Variants in NSMCE4A observed in about 807,000 individuals in gnomAD.
NSMCE4A encodes the protein NSE4A component of SMC5/6 complex, also known as non-structural maintenance of chromosomes element 4 homolog A.
Under a neutral mutation model 47.9 loss-of-function variants are expected in NSMCE4A, and 40 were observed. The ratio of observed to expected loss-of-function variants is 0.83; its 90% CI spans 0.65 to 1.09. The LOEUF is 1.09. NSMCE4A is among the 50% of genes least tolerant of loss of function. NSMCE4A has a pLI of 0.00. For missense variants in NSMCE4A, 500 were observed against 507.0 expected (o/e 0.99, Z 0.13); for synonymous variants, 166 against 178.5 (o/e 0.93, Z 0.56).
At position 121,967,822 on chromosome 10, in the gene NSMCE4A, A is replaced by G; in HGVS notation, c.502-16T>C. 2 of 1,597,182 alleles carry G rather than the reference A, an allele frequency of 1.3e-6. No homozygotes were observed. The highest frequency in any genetic ancestry group is 1.7e-6 in the Non-Finnish European group (2 of 1,175,178). On this transcript the variant is annotated splice_polypyrimidine_tract_variant and intron_variant, in intron 3 of 10. Transcript: ENST00000369023. Reference sequence around the variant, plus strand: ...TATGTGTGAGCTACAAAAATGAAGGAAAACAAAAAACCCAGTTAAGCCACA... The same window carrying G: ...TATGTGTGAGCTACAAAAATGAAGGGAAACAAAAAACCCAGTTAAGCCACA...
In NSMCE4A at chr10:121,975,097, GC is replaced by G; in HGVS notation, c.68del (p.Arg23ProfsTer45). ...RGRGRDPHRD[R>X]TRSRSRSRSP... ...ACCGCGAGCGGGAGCGGGAGCGGGT[GC>G]GATCCCGATGCGGGTCGCGGCCCCG... On this transcript the variant is annotated frameshift_variant, in exon 1 of 11. Transcript: ENST00000369023. LOFTEE classifies it high-confidence loss of function. 6.9e-7 allele frequency: 1 copy of G among 1,439,918 alleles called. No individual in the cohort carries two copies. Among genetic ancestry groups the G allele is most frequent in the Non-Finnish European group, 9.0e-7 (1 of 1,107,532 alleles). 89.2% of individuals were successfully genotyped at this position (1,439,918 alleles called of 1,614,324 possible).
At chr10:121,967,936 G>T in intron 3 of NSMCE4A, 130 bp from the exon 4 acceptor site, 1 of 850,530 alleles carries the variant, frequency 1.2e-6, no homozygotes, top group Non-Finnish European at 1.8e-6. Flanking sequence ...TAACATGCTG[G>T]CTAAATTTCT....
rs973425860 is a variant in NSMCE4A at position 121,974,019 on chromosome 10, T to G, written c.355A>C (p.Thr119Pro). Reference sequence around the variant, plus strand: ...AACAAATTACCTTCATTAAACAGAGTGTTAGCCTCTTCAAGGACCTCTGTT... The same window carrying G: ...AACAAATTACCTTCATTAAACAGAGGGTTAGCCTCTTCAAGGACCTCTGTT... The part of the protein sequence containing the change: ...KLTEVLEEAN[T>P]LFNEVSRARE... The change falls in exon 2 of 11, where the codon ACT becomes CCT. Residue 119 changes from threonine to proline, a missense_variant. Thr to Pro is a conservative substitution (Grantham distance 38). Transcript: ENST00000369023. 4 of 1,598,014 alleles carry G rather than the reference T, an allele frequency of 2.5e-6. No individual in the cohort carries two copies. The highest frequency in any genetic ancestry group is 3.4e-6 in the Non-Finnish European group (4 of 1,169,116).
At chr10:121,966,153 C>T (rs575460631) in intron 4 of NSMCE4A, 10 of 152,278 alleles carry the variant, frequency 6.6e-5, no homozygotes, top group African/African-American at 1.9e-4. Context: ...GAGTACTGCT[C>T]AAGTGCTATG....
At chr10:121,974,655 C>G in intron 1 of NSMCE4A, 1 of 1,087,840 alleles carries the variant, frequency 9.2e-7, no homozygotes, top group Non-Finnish European at 1.1e-6. Context: ...CAGCCCGCCA[C>G]TCGGGGACCC....
intron 1 of NSMCE4A, 133 bp from the exon 2 acceptor site, chr10:121,974,214 T>C (rs1952772139): frequency 1.4e-6 from 2 of 1,390,266 alleles, no homozygotes; most frequent in Non-Finnish European, 9.6e-7. Context: ...AACATCTTTA[T>C]CTTTTTAACC....
At chr10:121,957,438 T>C (rs1377167726) in intron 10 of NSMCE4A, among the ~76,000 whole-genome samples, 179 bp from the exon 11 acceptor site, 2 of 120,140 alleles carry the variant, frequency 1.7e-5, no homozygotes, top group African/African-American at 5.8e-5. Context: ...TCTTTTTTTT[T>C]TTTTTTTTTT....
intron 3 of NSMCE4A, among the ~76,000 whole-genome samples, chr10:121,969,085 C>T (rs765064201): frequency 1.3e-5 from 2 of 152,254 alleles, no homozygotes; most frequent in African/African-American, 2.4e-5. Context: ...TGGCTCATGC[C>T]TGTAATCCCA....
chr10:121,963,247 G>A lies in NSMCE4A; in HGVS notation c.835C>T (p.Arg279Ter). The A allele has an allele frequency of 6.2e-7, 1 of 1,604,362 alleles. No individual in the cohort carries two copies. Among genetic ancestry groups the A allele is most frequent in the Non-Finnish European group, 8.5e-7 (1 of 1,171,600 alleles). Residue 279 changes from arginine to a stop codon, truncating the protein, a stop_gained, in exon 6 of 11, where the codon CGA (arginine) becomes TGA (stop). Coordinates refer to ENST00000369023, the MANE Select transcript of NSMCE4A (RefSeq NM_017615.3). LOFTEE classifies it high-confidence loss of function. ...RILGLLQTYF[R>*]EDPDTPMSFF... is the part of the protein sequence containing the mutation. ...ATGGTGTTACACTTACGATCTTCTC[G>A]AAAATATGTCTGCAACAATCCCAAG...
chr10:121,973,984 CAT>C lies in NSMCE4A; in HGVS notation c.370+18_370+19del, dbSNP rs547732994. 5,111 of 1,510,856 alleles carry C rather than the reference CAT, an allele frequency of 3.4e-3. 34 individuals carry two copies. Among genetic ancestry groups the C allele is most frequent in the Non-Finnish European group, 3.2e-3 (3,556 of 1,102,548 alleles). The allele number at this position is 1,510,856 out of a possible 1,614,324, so 93.6% of individuals were successfully genotyped here. On this transcript the variant is annotated intron_variant, in intron 2 of 10. Coordinates refer to ENST00000369023, the MANE Select transcript of NSMCE4A (RefSeq NM_017615.3). Reference sequence around the variant, plus strand: ...AAAAGTATCATAAAACACGAAATAACATATAAAATAACAAATTACCTTCATTA... The same window carrying C: ...AAAAGTATCATAAAACACGAAATAACATAAAATAACAAATTACCTTCATTA...
chr10:121,974,535 G>A (rs897315380), intron 1 of NSMCE4A: 8 of 1,010,672 alleles, frequency 7.9e-6, no homozygotes, highest in South Asian at 4.6e-5. Context: ...GGGAGCCCAC[G>A]CCGAGGACTG....
At chr10:121,958,141 T>C (rs949116063) in intron 10 of NSMCE4A, among the ~76,000 whole-genome samples, 1 of 151,994 alleles carries the variant, frequency 6.6e-6, no homozygotes, top group African/African-American at 2.4e-5. Flanking sequence ...AGCAGGAGAA[T>C]TGCTTGAACC....
rs114195339 is a variant in NSMCE4A at position 121,974,707 on chromosome 10, T to C, written c.292+167A>G. 3.6e-3 allele frequency: 4,098 copies of C among 1,123,418 alleles called. 122 individuals are homozygous for C. The African/African-American group carries it at 0.063, about 17-fold the overall frequency. The allele number at this position is 1,123,418 out of a possible 1,614,324, so 69.6% of individuals were successfully genotyped here. A position where few individuals can be genotyped will look rare whatever the true frequency, so the allele number is the denominator to read the frequency against. On this transcript the variant is annotated intron_variant, in intron 1 of 10. Transcript: ENST00000369023. ...GCTCCAGCCACAAAGTGGGAGCACT[T>C]TGTCAACAATTTAAGGTGCGGCGAG...
At chr10:121,957,325 C>T (rs1449786592) in intron 10 of NSMCE4A, 66 bp from the exon 11 acceptor site, 1 of 152,282 alleles carries the variant, frequency 6.6e-6, no homozygotes, top group Non-Finnish European at 1.5e-5. Flanking sequence ...ATATAATATA[C>T]ATAAATTAAA....
In NSMCE4A at chr10:121,960,345, T is replaced by G; in HGVS notation, c.988+13A>C. 6.8e-7 allele frequency: 1 copy of G among 1,469,458 alleles called. No homozygotes were observed. Among genetic ancestry groups the G allele is most frequent in the Non-Finnish European group, 9.0e-7 (1 of 1,113,220 alleles). The allele number at this position is 1,469,458 out of a possible 1,614,324, so 91.0% of individuals were successfully genotyped here. A position where few individuals can be genotyped will look rare whatever the true frequency, so the allele number is the denominator to read the frequency against. On this transcript the variant is annotated intron_variant, in intron 8 of 10. Coordinates refer to ENST00000369023, the MANE Select transcript of NSMCE4A (RefSeq NM_017615.3). The surrounding 1 kb of genome is among the most constrained non-coding windows in gnomAD (Gnocchi z 4.2). ...TCTCTAAAACTAATTTTTCCAAACA[T>G]AGTATCATTTACCTATTACTGGCAG...
rs767509543 is a variant in NSMCE4A, at chr10:121,965,256, T to C, written c.753+30A>G. On this transcript the variant is annotated intron_variant, in intron 5 of 10. Transcript: ENST00000369023. ...TAACAGCTATTTTAACTTTAATGTG[T>C]TTTTTTAAAAGCAACATTTTAAAAC... The C allele has an allele frequency of 4.6e-6, 7 of 1,511,308 alleles. No homozygotes were observed. The South Asian group carries it at 8.3e-5, about 18-fold the overall frequency. 93.6% of individuals were successfully genotyped at this position (1,511,308 alleles called of 1,614,324 possible).
chr10:121,972,173 T>C (rs1952726509), intron 2 of NSMCE4A, among the ~76,000 whole-genome samples: 1 of 152,050 alleles, frequency 6.6e-6, no homozygotes, highest in Non-Finnish European at 1.5e-5. Flanking sequence ...GAATCAAAAA[T>C]TAGCTGGGCA....
At chr10:121,964,125 AT>A (rs1441304607) in intron 5 of NSMCE4A, among the ~76,000 whole-genome samples, 1 of 145,688 alleles carries the variant, frequency 6.9e-6, no homozygotes, top group Non-Finnish European at 1.5e-5. Flanking sequence ...AAAAAAACAG[AT>A]TTTCTGGTTT....
chr10:121,959,584 TACTA>T lies in NSMCE4A; in HGVS notation c.996_999del (p.Ser333LeufsTer20). 1 of 1,612,998 alleles carries T rather than the reference TACTA, an allele frequency of 6.2e-7. No individual in the cohort carries two copies. Among genetic ancestry groups the T allele is most frequent in the South Asian group, 1.1e-5 (1 of 91,058 alleles). On this transcript the variant is annotated frameshift_variant, in exon 9 of 11. Coordinates refer to ENST00000369023, the MANE Select transcript of NSMCE4A (RefSeq NM_017615.3). LOFTEE classifies it high-confidence loss of function. Reference sequence around the variant, plus strand: ...TCAAATCCCTCATTTTCTTCATTAATACTAACAGGCTCTGTTTGAAAGACAAATT... The same window carrying T: ...TCAAATCCCTCATTTTCTTCATTAATACAGGCTCTGTTTGAAAGACAAATT...
Sources: allele counts gnomAD v4.1 joint callset (sites outside exome capture counted in the v4.1 genomes callset), GRCh38; gene constraint gnomAD v4.1.1; non-coding constraint Gnocchi (gnomAD v3.1); transcripts MANE v1.5; gene names NCBI Gene and HGNC (gene_info 2026-07-23, HGNC 2026-07-21).